Variants in AGAP1 observed in about 807,000 individuals in gnomAD.
AGAP1 encodes the protein arf-GAP with GTPase, ANK repeat and PH domain-containing protein 1.
AGAP1 carries 29 observed loss-of-function variants against 105.3 expected under a neutral mutation model. The ratio of observed to expected loss-of-function variants is 0.28; its 90% CI spans 0.21 to 0.38. The LOEUF (loss-of-function observed/expected upper bound fraction) is 0.38. AGAP1 is among the 10% of genes least tolerant of loss of function. The probability of loss-of-function intolerance (pLI) is 1.00; values close to 1 mark genes in which losing one functional copy is unlikely to be tolerated. For missense variants in AGAP1, 998 were observed against 1,165.1 expected (o/e 0.86, Z 2.09); for synonymous variants, 509 against 485.9 (o/e 1.05, Z -0.63).
chr2:235,660,632 G>T lies in AGAP1; in HGVS notation c.164-48547G>T, dbSNP rs1175170691. 6.6e-6 allele frequency among the ~76,000 whole-genome samples: 1 copy of T among 152,106 alleles called. No individual in the cohort carries two copies. Among genetic ancestry groups the T allele is most frequent in the Non-Finnish European group, 1.5e-5 (1 of 68,020 alleles). ...AGCTCCCAGTGATGTGTAGAGTTGA[G>T]CTCCATCCTGCTGATCCCAGCAGGA... is the stretch of plus-strand genomic sequence containing the variant. On this transcript the variant is annotated intron_variant, in intron 1 of 17. Coordinates refer to ENST00000304032, the MANE Select transcript of AGAP1 (RefSeq NM_001037131.3). This position sits in a 1 kb window ranked among gnomAD's most constrained non-coding sequence, Gnocchi z 5.3.
chr2:235,541,895 G>T (rs561626276), intron 1 of AGAP1, among the ~76,000 whole-genome samples: 1 of 152,190 alleles, frequency 6.6e-6, no homozygotes, highest in South Asian at 2.1e-4. Flanking sequence ...AATGCACGTC[G>T]CTATAGTTCA....
chr2:236,118,927 C>T (rs1267040757), intron 16 of AGAP1, among the ~76,000 whole-genome samples: 1 of 152,094 alleles, frequency 6.6e-6, no homozygotes, highest in Non-Finnish European at 1.5e-5. Flanking sequence ...TCATCAGTAG[C>T]CACAAAGTAC....
Position 236,000,534 on chromosome 2 carries a change from C to A in AGAP1, c.1645+31911C>A, listed in dbSNP as rs1020096536. 9.2e-5 allele frequency among the ~76,000 whole-genome samples: 14 copies of A among 152,186 alleles called. No homozygotes were observed. The highest frequency in any genetic ancestry group is 2.1e-4 in the Non-Finnish European group (14 of 68,034). On this transcript the variant is annotated intron_variant, in intron 13 of 17. Transcript: ENST00000304032. This position sits in a 1 kb window ranked among gnomAD's most constrained non-coding sequence, Gnocchi z 4.3. ...TGGTGGGGTGTGCATCCCCCACCCC[C>A]CAAGCCTGTTCCTAGAAGGCCATGG...
At chr2:236,107,389 G>A (rs1559282837) in intron 16 of AGAP1, among the ~76,000 whole-genome samples, 1 of 152,176 alleles carries the variant, frequency 6.6e-6, no homozygotes, top group Non-Finnish European at 1.5e-5. Flanking sequence ...CTGCCGGGCT[G>A]CTGTGGGCTG....
In AGAP1 at chr2:235,891,852, CTT is replaced by C. The variant is rs1275450704; in HGVS notation, c.1155+8406_1155+8407del. 1.3e-5 allele frequency among the ~76,000 whole-genome samples: 2 copies of C among 152,148 alleles called. No individual in the cohort carries two copies. The highest frequency in any genetic ancestry group is 2.4e-5 in the African/African-American group (1 of 41,430). On this transcript the variant is annotated intron_variant, in intron 10 of 17. Transcript: ENST00000304032. This position sits in a 1 kb window ranked among gnomAD's most constrained non-coding sequence, Gnocchi z 4.2. ...GGCAGACGTGCATGAACTGGTCAGA[CTT>C]TTAAAAAACCTCCTTCTGGCCAGGT...
Position 235,659,909 on chromosome 2 carries a change from C to G in AGAP1, c.164-49270C>G, listed in dbSNP as rs1426435493. 6.6e-6 allele frequency among the ~76,000 whole-genome samples: 1 copy of G among 152,208 alleles called. No homozygotes were observed. Among genetic ancestry groups the G allele is most frequent in the Admixed American group, 6.5e-5 (1 of 15,282 alleles). On this transcript the variant is annotated intron_variant, in intron 1 of 17. Transcript: ENST00000304032. This position sits in a 1 kb window ranked among gnomAD's most constrained non-coding sequence, Gnocchi z 5.0. ...ATCTGGCTCTTTGTGCACAATGGGC[C>G]TGGCATGGGCCCAGGCTGGTGGGGT... is the stretch of plus-strand genomic sequence containing the variant.
At position 235,981,450 on chromosome 2, in the gene AGAP1, T is replaced by TACACACAC. The variant is rs10639320; in HGVS notation, c.1645+12844_1645+12851dup. Among the ~76,000 whole-genome samples, 1 of 149,180 alleles carries TACACACAC rather than the reference T, an allele frequency of 6.7e-6. No homozygotes were observed. Among genetic ancestry groups the TACACACAC allele is most frequent in the South Asian group, 2.1e-4 (1 of 4,684 alleles). Reference sequence around the variant, plus strand: ...AATTTCTAAGTTCATGTTCCATGCGTACACACACACACACACACACACACG... The same window carrying TACACACAC: ...AATTTCTAAGTTCATGTTCCATGCGTACACACACACACACACACACACACACACACACG... On this transcript the variant is annotated intron_variant, in intron 13 of 17. Coordinates refer to ENST00000304032, the MANE Select transcript of AGAP1 (RefSeq NM_001037131.3). The surrounding 1 kb of genome is among the most constrained non-coding windows in gnomAD (Gnocchi z 5.5).
At position 235,744,459 on chromosome 2, in the gene AGAP1, G is replaced by A. The variant is rs1432651441; in HGVS notation, c.397-239G>A. Among the ~76,000 whole-genome samples, 1 of 152,190 alleles carries A rather than the reference G, an allele frequency of 6.6e-6. No homozygotes were observed. Among genetic ancestry groups the A allele is most frequent in the African/African-American group, 2.4e-5 (1 of 41,466 alleles). On this transcript the variant is annotated intron_variant, in intron 4 of 17. Transcript: ENST00000304032. The surrounding 1 kb of genome is among the most constrained non-coding windows in gnomAD (Gnocchi z 5.2). ...GTTTGTGTCCTCTGAAGACAGAGTG[G>A]CTTGGGTGGGAACAGGATGAAGGGC...
At chr2:235,902,422 C>T (rs1480748398) in intron 10 of AGAP1, among the ~76,000 whole-genome samples, 1 of 152,180 alleles carries the variant, frequency 6.6e-6, no homozygotes, top group Non-Finnish European at 1.5e-5. Context: ...GTGTTTTATC[C>T]ATGCAGGCAT....
intron 1 of AGAP1, among the ~76,000 whole-genome samples, chr2:235,527,365 CT>C (rs1391619754): frequency 2.6e-5 from 4 of 152,136 alleles, no homozygotes; most frequent in Non-Finnish European, 4.4e-5. Flanking sequence ...TGGAAACAGA[CT>C]TTACTTACTT....
rs907835078 is a variant in AGAP1 at position 235,578,335 on chromosome 2, C to T, written c.163+83486C>T. Among the ~76,000 whole-genome samples the T allele has an allele frequency of 6.6e-6, 1 of 152,176 alleles. No individual in the cohort carries two copies. The highest frequency in any genetic ancestry group is 2.4e-5 in the African/African-American group (1 of 41,436). ...CCTAAGAACCACAATGCCTGTTCCC[C>T]TTACCTGCCCCCAGGTGTCCTGGGA... is the stretch of plus-strand genomic sequence containing the variant. On this transcript the variant is annotated intron_variant, in intron 1 of 17. Transcript: ENST00000304032. The surrounding 1 kb of genome is among the most constrained non-coding windows in gnomAD (Gnocchi z 4.9).
intron 9 of AGAP1, among the ~76,000 whole-genome samples, chr2:235,859,300 C>A (rs2048815266): frequency 6.6e-6 from 1 of 151,604 alleles, no homozygotes; most frequent in African/African-American, 2.4e-5. Context: ...TTTGCTAAGG[C>A]CAGAGAACCA....
chr2:235,661,078 T>C (rs1947932061), intron 1 of AGAP1, among the ~76,000 whole-genome samples: 1 of 152,076 alleles, frequency 6.6e-6, no homozygotes, highest in African/African-American at 2.4e-5. Flanking sequence ...GGAGTAAGGA[T>C]GGTTTACTGA....
chr2:235,714,914 T>C lies in AGAP1; in HGVS notation c.223-2643T>C, dbSNP rs10183478. On this transcript the variant is annotated intron_variant, in intron 2 of 17. Transcript: ENST00000304032. This position sits in a 1 kb window ranked among gnomAD's most constrained non-coding sequence, Gnocchi z 4.1. The stretch of plus-strand genomic sequence containing the variant: ...CTGGGTTCAGGCGATTCTCCTGCCT[T>C]AGCCTCCTGAGTAGCTGGGACTACA... Among the ~76,000 whole-genome samples the C allele has an allele frequency of 0.52, 78,879 of 151,958 alleles. 21,227 individuals are homozygous for C. The highest frequency in any genetic ancestry group is 0.86 in the East Asian group (4,442 of 5,156).
rs1229710344 is a variant in AGAP1 at position 235,633,876 on chromosome 2, G to A, written c.164-75303G>A. Among the ~76,000 whole-genome samples, 1 of 152,190 alleles carries A rather than the reference G, an allele frequency of 6.6e-6. No individual in the cohort carries two copies. Among genetic ancestry groups the A allele is most frequent in the East Asian group, 1.9e-4 (1 of 5,186 alleles). On this transcript the variant is annotated intron_variant, in intron 1 of 17. Coordinates refer to ENST00000304032, the MANE Select transcript of AGAP1 (RefSeq NM_001037131.3). This position sits in a 1 kb window ranked among gnomAD's most constrained non-coding sequence, Gnocchi z 4.8. ...AAGAATTCTAGTTCCTGTGGCTCAGGGGAGAATGAGGGGCAAGAGATCAGG... is the reference window on the plus strand; with the variant it reads ...AAGAATTCTAGTTCCTGTGGCTCAGAGGAGAATGAGGGGCAAGAGATCAGG...
intron 1 of AGAP1, among the ~76,000 whole-genome samples, chr2:235,521,478 A>G (rs1942611082): frequency 2.0e-5 from 3 of 152,166 alleles, no homozygotes; most frequent in Admixed American, 6.5e-5. Flanking sequence ...CTATTTTTTA[A>G]TAAGTATTGT....
intron 13 of AGAP1, among the ~76,000 whole-genome samples, chr2:236,022,786 C>T (rs950956448): frequency 1.2e-4 from 18 of 152,190 alleles, no homozygotes; most frequent in African/African-American, 4.1e-4. Flanking sequence ...CCGCCCCCAC[C>T]CCAGGCCTCT....
intron 1 of AGAP1, among the ~76,000 whole-genome samples, chr2:235,581,947 C>T (rs1404847834): frequency 6.6e-6 from 1 of 152,146 alleles, no homozygotes; most frequent in Non-Finnish European, 1.5e-5. Context: ...AATTAGCACC[C>T]GGGGAGGTTT....
In AGAP1 at chr2:236,101,943, TACTC is replaced by T. The variant is rs1393250651; in HGVS notation, c.2115-18246_2115-18243del. On this transcript the variant is annotated intron_variant, in intron 16 of 17. Coordinates refer to ENST00000304032, the MANE Select transcript of AGAP1 (RefSeq NM_001037131.3). This position sits in a 1 kb window ranked among gnomAD's most constrained non-coding sequence, Gnocchi z 4.9. ...GCTTAGCTATGTTTCTGTGCAAACA[TACTC>T]ACACACAGTTTCCAAATGAAGTCAC... Among the ~76,000 whole-genome samples the T allele has an allele frequency of 5.3e-5, 8 of 152,352 alleles. No individual in the cohort carries two copies. In the East Asian group the frequency reaches 1.5e-3, roughly 29 times the overall value.
Sources: allele counts gnomAD v4.1 joint callset (sites outside exome capture counted in the v4.1 genomes callset), GRCh38; gene constraint gnomAD v4.1.1; non-coding constraint Gnocchi (gnomAD v3.1); transcripts MANE v1.5; gene names NCBI Gene and HGNC (gene_info 2026-07-23, HGNC 2026-07-21).